Variants in GRK3 observed in about 807,000 individuals in gnomAD.
GRK3 encodes the protein G protein-coupled receptor kinase 3.
GRK3 carries 54 observed loss-of-function variants against 95.7 expected under a neutral mutation model. The observed-to-expected ratio is 0.56, with a 90% CI of 0.45 to 0.71. The LOEUF (loss-of-function observed/expected upper bound fraction) is 0.71. Among genes scored for constraint, GRK3 ranks in the 30% least tolerant of loss-of-function variants. The probability of loss-of-function intolerance (pLI) is 0.00; values close to 1 mark genes in which losing one functional copy is unlikely to be tolerated. For missense variants in GRK3, 649 were observed against 851.2 expected, an observed-to-expected ratio of 0.76 and a Z score of 2.96; for synonymous variants, 281 against 290.8, an observed-to-expected ratio of 0.97 and a Z score of 0.34.
At chr22:25,659,652 G>GT (rs1430777817) in intron 3 of GRK3, among the ~76,000 whole-genome samples, 1 of 152,210 alleles carries the variant, frequency 6.6e-6, no homozygotes, top group African/African-American at 2.4e-5. Flanking sequence ...GCAATAGGAT[G>GT]TTTGTTTAGA....
chr22:25,671,082 G>C (rs2084978137), intron 6 of GRK3, among the ~76,000 whole-genome samples: 1 of 151,414 alleles, frequency 6.6e-6, no homozygotes, highest in Non-Finnish European at 1.5e-5. Flanking sequence ...GGCCAGGCGT[G>C]GTGGCTCAGG....
chr22:25,678,343 T>C (rs142359114), intron 8 of GRK3, among the ~76,000 whole-genome samples: 1,915 of 152,212 alleles, frequency 0.013, 27 homozygotes, highest in Middle Eastern at 0.065. Context: ...TAGTCCCAGC[T>C]ACTTGGAAGG....
At chr22:25,646,347 G>C (rs1207134801) in intron 3 of GRK3, among the ~76,000 whole-genome samples, 1 of 152,182 alleles carries the variant, frequency 6.6e-6, no homozygotes, top group Non-Finnish European at 1.5e-5. Flanking sequence ...CTTTAGAACA[G>C]AAAGTACTAT....
intron 2 of GRK3, among the ~76,000 whole-genome samples, chr22:25,621,790 T>C (rs1316943600): frequency 6.6e-6 from 1 of 152,192 alleles, no homozygotes; most frequent in Non-Finnish European, 1.5e-5. Flanking sequence ...GGTGATCCTC[T>C]CCTCTTGAGG....
intron 9 of GRK3, among the ~76,000 whole-genome samples, chr22:25,679,886 T>C (rs2085061866): frequency 1.3e-5 from 2 of 152,214 alleles, no homozygotes; most frequent in African/African-American, 4.8e-5. Flanking sequence ...GGATTTTAAG[T>C]AAGGTCTTCA....
chr22:25,642,175 G>A (rs991691216), intron 2 of GRK3, among the ~76,000 whole-genome samples: 1 of 152,228 alleles, frequency 6.6e-6, no homozygotes, highest in African/African-American at 2.4e-5. Flanking sequence ...GCTCACGCCT[G>A]TAATCCCAGC....
intron 12 of GRK3, among the ~76,000 whole-genome samples, chr22:25,693,492 C>T (rs549469458): frequency 1.8e-3 from 281 of 152,270 alleles, no homozygotes; most frequent in Middle Eastern, 3.4e-3. Flanking sequence ...TAAACCTTCC[C>T]GGAAAATGGC....
intron 2 of GRK3, among the ~76,000 whole-genome samples, chr22:25,639,320 C>T (rs1242543929): frequency 6.6e-6 from 1 of 152,082 alleles, no homozygotes; most frequent in Non-Finnish European, 1.5e-5. Context: ...TAATTTTAGC[C>T]TTCACATTTA....
At chr22:25,712,391 C>T (rs1360433178) in intron 17 of GRK3, among the ~76,000 whole-genome samples, 1 of 152,238 alleles carries the variant, frequency 6.6e-6, no homozygotes, top group Non-Finnish European at 1.5e-5. Context: ...TATGAGTATA[C>T]AGCAGTGCTT....
Position 25,581,635 on chromosome 22 carries a change from A to G in GRK3, c.113+16482A>G, listed in dbSNP as rs780789198. ...CAACTTCTTGACCTGAAGGCTTGCTATAGAAGGATGAGAAAAAAAAAATGT... is the reference window on the plus strand; with the variant it reads ...CAACTTCTTGACCTGAAGGCTTGCTGTAGAAGGATGAGAAAAAAAAAATGT... On this transcript the variant is annotated intron_variant, in intron 1 of 20. Transcript: ENST00000324198. Among the ~76,000 whole-genome samples the G allele has an allele frequency of 5.3e-5, 8 of 152,036 alleles. No homozygotes were observed. The East Asian group carries it at 1.2e-3, about 22-fold the overall frequency.
chr22:25,663,499 GT>G (rs1364384511), intron 4 of GRK3, 130 bp from the exon 5 acceptor site: 9 of 586,496 alleles, frequency 1.5e-5, no homozygotes, highest in Non-Finnish European at 2.6e-5. Flanking sequence ...TTTAAAGAAT[GT>G]TTGTTAATAT....
rs1401142349 is a variant in GRK3 at position 25,723,832 on chromosome 22, T to C, written c.*1382T>C. The C allele has an allele frequency of 6.6e-6, 1 of 152,202 alleles. No individual in the cohort carries two copies. Among genetic ancestry groups the C allele is most frequent in the Non-Finnish European group, 1.5e-5 (1 of 68,038 alleles). 9.4% of individuals were successfully genotyped at this position (152,202 alleles called of 1,614,324 possible). ...TATTTTTAGCAGTTCCAAATCTTTG[T>C]TTTTGTATTTGTTTGCTGTGTTCAT... On this transcript the variant is annotated 3_prime_UTR_variant, in exon 21 of 21. Transcript: ENST00000324198.
At chr22:25,574,597 G>A (rs1324012589) in intron 1 of GRK3, among the ~76,000 whole-genome samples, 3 of 152,200 alleles carry the variant, frequency 2.0e-5, no homozygotes, top group African/African-American at 7.2e-5. Context: ...GTCTAAGGCC[G>A]TGATGGTATT....
intron 2 of GRK3, among the ~76,000 whole-genome samples, chr22:25,625,309 C>T (rs1394050914): frequency 6.6e-6 from 1 of 152,190 alleles, no homozygotes; most frequent in Non-Finnish European, 1.5e-5. Flanking sequence ...ATAATCCTCG[C>T]TCTGCAATCA....
chr22:25,709,894 C>G lies in GRK3; in HGVS notation c.1329-4C>G. 6.2e-7 allele frequency: 1 copy of G among 1,611,966 alleles called. No homozygotes were observed. The highest frequency in any genetic ancestry group is 8.5e-7 in the Non-Finnish European group (1 of 1,178,020). On this transcript the variant is annotated splice_polypyrimidine_tract_variant and splice_region_variant and intron_variant, in intron 15 of 20. Coordinates refer to ENST00000324198, the MANE Select transcript of GRK3 (RefSeq NM_005160.4). The stretch of plus-strand genomic sequence containing the variant: ...CAGCACTGTTATGACTCTTTCTCCT[C>G]CAGCTCACAGGAAGTAAAAGAGCAC...
chr22:25,712,652 A>G lies in GRK3; in HGVS notation c.1491+1489A>G, dbSNP rs138457840. Among the ~76,000 whole-genome samples the G allele has an allele frequency of 1.0e-3, 157 of 152,378 alleles. 3 individuals carry two copies. In the East Asian group the frequency reaches 0.025, roughly 24 times the overall value. ...CCACTGAGCTGAGTGAATGTGGGCC[A>G]TTCTGCAACCTCTCGAGTCTTGGCT... is the stretch of plus-strand genomic sequence containing the variant. On this transcript the variant is annotated intron_variant, in intron 17 of 20. Coordinates refer to ENST00000324198, the MANE Select transcript of GRK3 (RefSeq NM_005160.4).
chr22:25,696,185 GC>G (rs1292517656), intron 13 of GRK3, among the ~76,000 whole-genome samples: 1 of 151,906 alleles, frequency 6.6e-6, no homozygotes, highest in Non-Finnish European at 1.5e-5. Flanking sequence ...TTGCCATGTT[GC>G]CCAGGCTGGT....
intron 15 of GRK3, among the ~76,000 whole-genome samples, chr22:25,705,035 A>C (rs1166842584): frequency 6.6e-6 from 1 of 152,202 alleles, no homozygotes; most frequent in Non-Finnish European, 1.5e-5. Flanking sequence ...ACCTATATGT[A>C]TATCATACAT....
At chr22:25,717,972 G>T (rs2085399971) in intron 18 of GRK3, among the ~76,000 whole-genome samples, 1 of 151,966 alleles carries the variant, frequency 6.6e-6, no homozygotes, top group Admixed American at 6.6e-5. Flanking sequence ...ACTAACTTTT[G>T]CCCTCCCAGA....
Sources: allele counts gnomAD v4.1 joint callset (sites outside exome capture counted in the v4.1 genomes callset), GRCh38; gene constraint gnomAD v4.1.1; transcripts MANE v1.5; gene names NCBI Gene and HGNC (gene_info 2026-07-23, HGNC 2026-07-21).